Variants in ROBO2 observed in about 807,000 individuals in gnomAD.
ROBO2 encodes the protein roundabout guidance receptor 2, also known as roundabout homolog 2.
A neutral mutation model predicts 160.8 loss-of-function variants in ROBO2; 53 were observed. That is an observed-to-expected ratio of 0.33 (90% CI 0.26 to 0.41). The LOEUF is 0.41. Among genes scored for constraint, ROBO2 ranks in the 10% least tolerant of loss-of-function variants. The pLI, the probability that ROBO2 is intolerant of heterozygous loss-of-function variation, is 1.00. For synonymous variants in ROBO2, 664 were observed against 611.7 expected (o/e 1.09, Z -1.26); for missense variants, 1,577 against 1,722.4 (o/e 0.92, Z 1.49).
intron 1 of ROBO2, among the ~76,000 whole-genome samples, chr3:77,080,243 A>G (rs74564527): frequency 0.011 from 1,739 of 152,278 alleles, 34 homozygotes; most frequent in African/African-American, 0.038. Flanking sequence ...AGCGGGTTCT[A>G]TAGGCCACTG....
chr3:76,132,105 C>A (rs2071244818), intron 2 of ROBO2, among the ~76,000 whole-genome samples: 1 of 152,078 alleles, frequency 6.6e-6, no homozygotes, highest in African/African-American at 2.4e-5. Flanking sequence ...TATGGTCATA[C>A]TCGTGGCTAA....
intron 2 of ROBO2, among the ~76,000 whole-genome samples, chr3:77,178,616 A>G (rs567031281): frequency 6.6e-6 from 1 of 152,190 alleles, no homozygotes; most frequent in South Asian, 2.1e-4. Context: ...CACTAATAAC[A>G]CTTTGAATAA....
intron 2 of ROBO2, among the ~76,000 whole-genome samples, chr3:76,838,977 A>G (rs5745840): frequency 0.11 from 16,218 of 152,124 alleles, 1,022 homozygotes; most frequent in East Asian, 0.23. Flanking sequence ...CACTGAACTG[A>G]AGTCATTTCT....
chr3:77,579,853 G>T, intron 15 of ROBO2, 94 bp from the exon 17 acceptor site: 1 of 1,172,040 alleles, frequency 8.5e-7, no homozygotes. Flanking sequence ...AGATAGACAG[G>T]TTATGATTAA....
At chr3:77,598,648 A>C (rs894434971) in intron 19 of ROBO2, among the ~76,000 whole-genome samples, 1 of 151,560 alleles carries the variant, frequency 6.6e-6, no homozygotes, top group Non-Finnish European at 1.5e-5. Flanking sequence ...TCTGCAAGCC[A>C]ACACACCCCA....
At chr3:76,726,662 A>G (rs901130651) in intron 2 of ROBO2, among the ~76,000 whole-genome samples, 1 of 152,106 alleles carries the variant, frequency 6.6e-6, no homozygotes, top group Non-Finnish European at 1.5e-5. Flanking sequence ...AAATTGACCT[A>G]TTTCTTTTCT....
At chr3:76,164,433 T>C (rs2072749860) in intron 2 of ROBO2, among the ~76,000 whole-genome samples, 1 of 152,214 alleles carries the variant, frequency 6.6e-6, no homozygotes, top group Admixed American at 6.5e-5. Context: ...GGAATCATTA[T>C]TTATGGCAAC....
At chr3:77,295,036 G>A (rs1000125107) in intron 2 of ROBO2, among the ~76,000 whole-genome samples, 15 of 151,266 alleles carry the variant, frequency 9.9e-5, no homozygotes, top group African/African-American at 3.7e-4. Flanking sequence ...AAGACTTAAA[G>A]AAAAATTGAT....
At chr3:77,327,666 C>T (rs1236540060) in intron 2 of ROBO2, among the ~76,000 whole-genome samples, 1 of 152,116 alleles carries the variant, frequency 6.6e-6, no homozygotes, top group African/African-American at 2.4e-5. Flanking sequence ...AGAAGTGGTA[C>T]AGATCTCATG....
At chr3:76,856,542 C>T (rs945045513) in intron 2 of ROBO2, among the ~76,000 whole-genome samples, 5 of 152,178 alleles carry the variant, frequency 3.3e-5, no homozygotes, top group Admixed American at 6.5e-5. Flanking sequence ...TCTTCATCTA[C>T]CCTGCCCCTA....
chr3:76,580,809 C>A (rs1195979131), intron 2 of ROBO2, among the ~76,000 whole-genome samples: 1 of 152,044 alleles, frequency 6.6e-6, no homozygotes, highest in African/African-American at 2.4e-5. Flanking sequence ...TAAGAAGTAA[C>A]CTTTTTTTTC....
intron 2 of ROBO2, among the ~76,000 whole-genome samples, chr3:77,439,918 T>C (rs1011239620): frequency 6.6e-5 from 10 of 152,180 alleles, no homozygotes; most frequent in African/African-American, 2.2e-4. Context: ...GTTAAACACA[T>C]TTTGGCCTGT....
intron 2 of ROBO2, among the ~76,000 whole-genome samples, chr3:77,310,920 A>G (rs1194589460): frequency 6.6e-6 from 1 of 152,026 alleles, no homozygotes; most frequent in Non-Finnish European, 1.5e-5. Context: ...TTTGGTCATG[A>G]GTGAAGAGGC....
At chr3:76,476,770 C>A (rs768564894) in intron 2 of ROBO2, among the ~76,000 whole-genome samples, 1 of 152,126 alleles carries the variant, frequency 6.6e-6, no homozygotes, top group Non-Finnish European at 1.5e-5. Flanking sequence ...ATGTATCAAA[C>A]AGCCACGTTC....
chr3:77,604,522 A>C (rs1293450187), intron 20 of ROBO2, among the ~76,000 whole-genome samples: 2 of 152,174 alleles, frequency 1.3e-5, no homozygotes, highest in Non-Finnish European at 2.9e-5. Flanking sequence ...AATAGTACTT[A>C]GTGCTTTTTT....
At chr3:77,513,893 C>T (rs2089702592) in intron 5 of ROBO2, among the ~76,000 whole-genome samples, 1 of 151,692 alleles carries the variant, frequency 6.6e-6, no homozygotes, top group African/African-American at 2.4e-5. Context: ...TAAGGTATCT[C>T]TATGGTGGGG....
chr3:77,316,948 A>G, intron 2 of ROBO2: 3 of 1,330,618 alleles, frequency 2.3e-6, no homozygotes, highest in Non-Finnish European at 2.2e-6. Flanking sequence ...TGCTGTTCCG[A>G]AGCGCGTGTT....
intron 2 of ROBO2, among the ~76,000 whole-genome samples, chr3:76,488,839 G>A (rs989896818): frequency 6.6e-6 from 1 of 152,034 alleles, no homozygotes; most frequent in Non-Finnish European, 1.5e-5. Flanking sequence ...TACATTCAAA[G>A]TTAGAAAATC....
chr3:77,609,856 G>C (rs1033575370), intron 21 of ROBO2, among the ~76,000 whole-genome samples: 12 of 147,108 alleles, frequency 8.2e-5, no homozygotes, highest in Admixed American at 4.1e-4. Flanking sequence ...GTTTTTGTTT[G>C]TCTTAAATAC....
Sources: allele counts gnomAD v4.1 joint callset (sites outside exome capture counted in the v4.1 genomes callset), GRCh38; gene constraint gnomAD v4.1.1; transcripts MANE v1.5; gene names NCBI Gene and HGNC (gene_info 2026-07-23, HGNC 2026-07-21).